MYO16: variants seen among roughly 807,000 people sequenced by gnomAD.
The protein encoded by MYO16 is myosin XVI.
MYO16 carries 94 observed loss-of-function variants against 205.3 expected under a neutral mutation model. The ratio of observed to expected loss-of-function variants is 0.46; its 90% confidence interval spans 0.39 to 0.54. The LOEUF is 0.54. MYO16 is among the 20% of genes least tolerant of loss of function. The probability of loss-of-function intolerance (pLI) is 0.00; values close to 1 mark genes in which losing one functional copy is unlikely to be tolerated. For synonymous variants in MYO16, 988 were observed against 954.0 expected (o/e 1.04, Z -0.66); for missense variants, 2,315 against 2,387.5 (o/e 0.97, Z 0.63).
At chr13:108,857,327 C>G (rs973737946) in intron 11 of MYO16, among the ~76,000 whole-genome samples, 1 of 152,122 alleles carries the variant, frequency 6.6e-6, no homozygotes, top group African/African-American at 2.4e-5. Flanking sequence ...ACACCAGAGA[C>G]AAGGTTGATG....
chr13:108,711,162 C>G (rs1206081478), intron 2 of MYO16, among the ~76,000 whole-genome samples: 1 of 152,182 alleles, frequency 6.6e-6, no homozygotes, highest in East Asian at 1.9e-4. Flanking sequence ...CAGTGAAGAA[C>G]AAGAGAAAGA....
At chr13:108,979,556 T>A (rs1021663824) in intron 20 of MYO16, among the ~76,000 whole-genome samples, 1 of 152,130 alleles carries the variant, frequency 6.6e-6, no homozygotes, top group Non-Finnish European at 1.5e-5. Context: ...GAGTGACTTC[T>A]ATTTCTGTGT....
chr13:109,083,565 A>G (rs1224872292), intron 27 of MYO16, among the ~76,000 whole-genome samples: 1 of 152,128 alleles, frequency 6.6e-6, no homozygotes, highest in African/African-American at 2.4e-5. Flanking sequence ...AACTTACGAA[A>G]CATAATGAGA....
In MYO16 at chr13:109,107,526, T is replaced by A. The variant is rs187646474; in HGVS notation, c.3438+6639T>A. The stretch of plus-strand genomic sequence containing the variant: ...AGCAAGGAACTGTTAAAGTTTTAAC[T>A]ACCTCTCACTTTTTTTACATTCTCT... On this transcript the variant is annotated intron_variant, in intron 28 of 34. Coordinates refer to ENST00000457511, the MANE Select transcript of MYO16 (RefSeq NM_001198950.3). Among the ~76,000 whole-genome samples, 244 of 152,150 alleles carry A rather than the reference T, an allele frequency of 1.6e-3. 2 individuals are homozygous for A. The highest frequency in any genetic ancestry group is 5.6e-3 in the African/African-American group (232 of 41,570).
intron 9 of MYO16, among the ~76,000 whole-genome samples, chr13:108,840,948 T>C (rs368295234): frequency 1.3e-5 from 2 of 152,216 alleles, no homozygotes; most frequent in East Asian, 1.9e-4. Context: ...CAAGTTGAGA[T>C]TGTCAGTATT....
chr13:108,650,410 G>T (rs145587391), intron 1 of MYO16, among the ~76,000 whole-genome samples: 140 of 152,276 alleles, frequency 9.2e-4, no homozygotes, highest in African/African-American at 3.1e-3. Context: ...CTATAGGAGG[G>T]AATCCTGTCT....
intron 23 of MYO16, among the ~76,000 whole-genome samples, chr13:109,034,912 T>A (rs1020479289): frequency 6.6e-6 from 1 of 152,158 alleles, no homozygotes; most frequent in Non-Finnish European, 1.5e-5. Flanking sequence ...AGATCAAAAC[T>A]CAATTAAATA....
chr13:108,827,618 C>G (rs1384477585), intron 9 of MYO16, among the ~76,000 whole-genome samples: 7 of 152,176 alleles, frequency 4.6e-5, no homozygotes, highest in Non-Finnish European at 1.0e-4. Flanking sequence ...TTCAAAGGCC[C>G]TTCCACCTGT....
At chr13:108,533,859 A>G in the MYO16 span, among the ~76,000 whole-genome samples, 252 of 152,314 alleles carry the variant, frequency 1.7e-3, no homozygotes, top group African/African-American at 5.8e-3. Context: ...GCATATATTC[A>G]ATTGAACATA....
chr13:108,814,108 T>G (rs1179398296), intron 7 of MYO16, among the ~76,000 whole-genome samples: 1 of 152,212 alleles, frequency 6.6e-6, no homozygotes, highest in African/African-American at 2.4e-5. Context: ...TTTTATGATT[T>G]AAATGCTTTC....
At position 108,727,481 on chromosome 13, in the gene MYO16, T is replaced by A. The variant is rs753163437; in HGVS notation, c.405T>A (p.Ile135=). ...ATGCCTTCATTGCAGAAATTCTGAT[T>A]GACAGAGGAGTCAACGTCAACCACC... ...YDNAFIAEIL[I]DRGVNVNHQD... The change falls in exon 4 of 35, where the codon ATT becomes ATA. Residue 135 remains isoleucine (I), a synonymous_variant. Coordinates refer to ENST00000457511, the MANE Select transcript of MYO16 (RefSeq NM_001198950.3). 1.2e-6 allele frequency: 2 copies of A among 1,614,058 alleles called. No individual in the cohort carries two copies. The highest frequency in any genetic ancestry group is 8.5e-7 in the Non-Finnish European group (1 of 1,179,948).
chr13:109,034,544 G>A (rs1439561255), intron 23 of MYO16, among the ~76,000 whole-genome samples: 2 of 152,164 alleles, frequency 1.3e-5, no homozygotes, highest in Admixed American at 6.6e-5. Context: ...TGAACTGTGA[G>A]GCAATTAAGC....
At chr13:108,955,652 A>G (rs776944980) in intron 16 of MYO16, among the ~76,000 whole-genome samples, 6 of 152,172 alleles carry the variant, frequency 3.9e-5, no homozygotes, top group Non-Finnish European at 5.9e-5. Flanking sequence ...AAGGAGTTCA[A>G]CCAGCCTGGC....
chr13:108,798,087 T>C (rs975303951), intron 6 of MYO16, among the ~76,000 whole-genome samples: 1 of 152,176 alleles, frequency 6.6e-6, no homozygotes, highest in African/African-American at 2.4e-5. Context: ...CCCTTGAAGA[T>C]TACAGCATTT....
intron 27 of MYO16, among the ~76,000 whole-genome samples, chr13:109,061,767 G>A (rs1382379789): frequency 6.6e-6 from 1 of 152,170 alleles, no homozygotes; most frequent in Non-Finnish European, 1.5e-5. Context: ...GTGTGAACGT[G>A]TTGGAAAAAC....
intron 32 of MYO16, among the ~76,000 whole-genome samples, chr13:109,149,978 TG>T (rs1406452966): frequency 6.6e-6 from 1 of 152,240 alleles, no homozygotes; most frequent in African/African-American, 2.4e-5. Context: ...GCATATTTTT[TG>T]TAGGACACAT....
At position 108,796,753 on chromosome 13, in the gene MYO16, A is replaced by G. The variant is rs796334950; in HGVS notation, c.741+3113A>G. ...GGACACAGGAAGGGGAACATCACACACTGGGGCCTGTTGTGGGGTGGGGGG... is the reference window on the plus strand; with the variant it reads ...GGACACAGGAAGGGGAACATCACACGCTGGGGCCTGTTGTGGGGTGGGGGG... On this transcript the variant is annotated intron_variant, in intron 6 of 34. Coordinates refer to ENST00000457511, the MANE Select transcript of MYO16 (RefSeq NM_001198950.3). 4.1e-5 allele frequency among the ~76,000 whole-genome samples: 4 copies of G among 97,592 alleles called. 1 individual carries two copies. Among genetic ancestry groups the G allele is most frequent in the African/African-American group, 1.6e-4 (4 of 25,082 alleles). The allele number at this position is 97,592 out of a possible 152,430, so 64.0% of individuals were successfully genotyped here.
intron 16 of MYO16, among the ~76,000 whole-genome samples, chr13:108,911,688 G>T (rs1881272860): frequency 6.6e-6 from 1 of 152,186 alleles, no homozygotes; most frequent in Non-Finnish European, 1.5e-5. Flanking sequence ...CACTTCGAAG[G>T]TGATTTGCAT....
rs1262632475 is a variant in MYO16 at position 109,140,432 on chromosome 13, G to A, written c.4220G>A (p.Arg1407His). 4 of 1,561,662 alleles carry A rather than the reference G, an allele frequency of 2.6e-6. No individual in the cohort carries two copies. Among genetic ancestry groups the A allele is most frequent in the South Asian group, 1.1e-5 (1 of 87,730 alleles). Residue 1407 changes from arginine to histidine, a missense_variant, in exon 32 of 35, where the codon CGC becomes CAC. Arg to His is a conservative substitution (Grantham distance 29). Coordinates refer to ENST00000457511, the MANE Select transcript of MYO16 (RefSeq NM_001198950.3). The surrounding 1 kb of genome is among the most constrained non-coding windows in gnomAD (Gnocchi z 8.0). ...RPAGAPGAAARVLTPGTPQCA... is the reference protein window; with the variant it reads ...RPAGAPGAAAHVLTPGTPQCA... ...GCGGGCGCCCCGGGGGCAGCAGCGCGCGTTCTGACCCCCGGGACTCCGCAG... is the reference window on the plus strand; with the variant it reads ...GCGGGCGCCCCGGGGGCAGCAGCGCACGTTCTGACCCCCGGGACTCCGCAG...
Sources: allele counts gnomAD v4.1 joint callset (sites outside exome capture counted in the v4.1 genomes callset), GRCh38; gene constraint gnomAD v4.1.1; non-coding constraint Gnocchi (gnomAD v3.1); transcripts MANE v1.5; gene names NCBI Gene and HGNC (gene_info 2026-07-23, HGNC 2026-07-21).